DLGAP2: variants seen among roughly 807,000 people sequenced by gnomAD.
DLGAP2 encodes DLG associated protein 2, also known as disks large-associated protein 2.
In DLGAP2, 26 loss-of-function variants were observed where a neutral mutation model predicts 100.3. The ratio of observed to expected loss-of-function variants is 0.26; its 90% confidence interval spans 0.19 to 0.36. The LOEUF (loss-of-function observed/expected upper bound fraction) is 0.36, where lower values mean the gene tolerates loss of function less well. Among genes scored for constraint, DLGAP2 ranks in the 10% least tolerant of loss-of-function variants. DLGAP2 has a pLI of 1.00. For missense variants in DLGAP2, 1,858 were observed against 1,453.2 expected, an observed-to-expected ratio of 1.28 and a Z score of -4.53; for synonymous variants, 886 against 630.1, an observed-to-expected ratio of 1.41 and a Z score of -6.08.
intron 2 of DLGAP2, among the ~76,000 whole-genome samples, chr8:1,146,951 C>T (rs1184602081): frequency 6.6e-6 from 1 of 152,182 alleles, no homozygotes; most frequent in African/African-American, 2.4e-5. Flanking sequence ...AATTTCTCCT[C>T]TTCAGAATTG....
At chr8:1,233,608 G>A (rs1254088540) in intron 2 of DLGAP2, among the ~76,000 whole-genome samples, 1 of 151,854 alleles carries the variant, frequency 6.6e-6, no homozygotes, top group Non-Finnish European at 1.5e-5. Flanking sequence ...CAGTCTCGGA[G>A]CTGCCCAGCT....
chr8:996,434 C>T (rs57105578), intron 2 of DLGAP2, among the ~76,000 whole-genome samples: 1,593 of 152,178 alleles, frequency 0.01, 30 homozygotes, highest in African/African-American at 0.036. Flanking sequence ...AAGCAAAGGC[C>T]GTTCTGGAGG....
chr8:1,167,367 G>A (rs911715330), intron 2 of DLGAP2, among the ~76,000 whole-genome samples: 4 of 152,118 alleles, frequency 2.6e-5, no homozygotes, highest in Non-Finnish European at 5.9e-5. Context: ...ACCTCACAGG[G>A]AGTTGCTAAG....
At chr8:1,535,061 C>T (rs750507259) in intron 4 of DLGAP2, among the ~76,000 whole-genome samples, 1 of 152,146 alleles carries the variant, frequency 6.6e-6, no homozygotes, top group African/African-American at 2.4e-5. Context: ...GGCAGGCACC[C>T]GGAGCCACCT....
chr8:1,556,960 T>C (rs75095177), intron 5 of DLGAP2, among the ~76,000 whole-genome samples: 1,955 of 150,698 alleles, frequency 0.013, 40 homozygotes, highest in African/African-American at 0.044. Context: ...GGCTGGGAGA[T>C]GCTTGTGGGG....
At chr8:896,887 G>C (rs1280750094) in intron 1 of DLGAP2, among the ~76,000 whole-genome samples, 1 of 152,170 alleles carries the variant, frequency 6.6e-6, no homozygotes, top group Non-Finnish European at 1.5e-5. Context: ...TGAATTCTTT[G>C]TGTTTTGAAG....
intron 2 of DLGAP2, among the ~76,000 whole-genome samples, chr8:1,231,010 G>T (rs1209708699): frequency 1.3e-5 from 2 of 152,124 alleles, no homozygotes; most frequent in Non-Finnish European, 2.9e-5. Context: ...TGACAAGTGG[G>T]ACCTAATTAA....
intron 2 of DLGAP2, among the ~76,000 whole-genome samples, chr8:975,100 G>T (rs922737649): frequency 2.0e-5 from 3 of 152,060 alleles, no homozygotes; most frequent in Non-Finnish European, 2.9e-5. Context: ...GATAATAAAA[G>T]AATACTATGA....
intron 2 of DLGAP2, among the ~76,000 whole-genome samples, chr8:1,045,856 C>T (rs754658804): frequency 9.2e-5 from 14 of 152,146 alleles, no homozygotes; most frequent in East Asian, 1.9e-4. Context: ...CATAGGACGG[C>T]GCCCCCTGGT....
At chr8:1,648,107 A>G (rs978512872) in intron 8 of DLGAP2, among the ~76,000 whole-genome samples, 4 of 152,240 alleles carry the variant, frequency 2.6e-5, no homozygotes, top group African/African-American at 7.2e-5. Context: ...ACCAGGCTCA[A>G]TAAATATTGG....
intron 3 of DLGAP2, among the ~76,000 whole-genome samples, chr8:1,373,217 G>A (rs914850783): frequency 6.6e-6 from 1 of 151,902 alleles, no homozygotes; most frequent in Non-Finnish European, 1.5e-5. Flanking sequence ...TGCGCAGCAA[G>A]ACTCTGTGCT....
chr8:1,482,138 G>A (rs781200199), intron 3 of DLGAP2, among the ~76,000 whole-genome samples: 9 of 152,240 alleles, frequency 5.9e-5, no homozygotes, highest in African/African-American at 1.4e-4. Flanking sequence ...CTCACATGAC[G>A]GTCTGGGAGG....
intron 4 of DLGAP2, among the ~76,000 whole-genome samples, chr8:1,514,186 G>C (rs1422023622): frequency 2.0e-5 from 3 of 152,264 alleles, no homozygotes; most frequent in Admixed American, 2.0e-4. Context: ...ACGGGAAAGA[G>C]GAATTGTACA....
At chr8:1,410,098 C>T (rs1796685685) in intron 3 of DLGAP2, among the ~76,000 whole-genome samples, 2 of 152,174 alleles carry the variant, frequency 1.3e-5, no homozygotes, top group African/African-American at 4.8e-5. Context: ...GTGTCCTCCC[C>T]AGGAATGCCA....
intron 2 of DLGAP2, among the ~76,000 whole-genome samples, chr8:913,774 G>C (rs1446077805): frequency 1.3e-5 from 2 of 152,250 alleles, no homozygotes; most frequent in East Asian, 3.8e-4. Context: ...GTCAGTATGT[G>C]ATACTATATG....
chr8:1,042,125 C>T (rs926567652), intron 2 of DLGAP2, among the ~76,000 whole-genome samples: 3 of 152,166 alleles, frequency 2.0e-5, no homozygotes, highest in Admixed American at 6.5e-5. Context: ...CCCCCAGCCC[C>T]AGCACCTGCC....
chr8:740,025 C>G (rs1820443552), intron 1 of DLGAP2: 2 of 152,206 alleles, frequency 1.3e-5, no homozygotes, highest in Non-Finnish European at 2.9e-5. Context: ...GTGCGCCATT[C>G]CTGCCCCTTC....
At chr8:1,351,756 T>TGTGTGTGG (rs1491437420) in intron 3 of DLGAP2, among the ~76,000 whole-genome samples, 6 of 67,652 alleles carry the variant, frequency 8.9e-5, no homozygotes, top group Non-Finnish European at 1.2e-4. Flanking sequence ...GGGTCCTGAC[T>TGTGTGTGG]ATGTGTGGAA....
chr8:1,201,625 G>A (rs1206291546), intron 2 of DLGAP2, among the ~76,000 whole-genome samples: 1 of 152,218 alleles, frequency 6.6e-6, no homozygotes, highest in East Asian at 1.9e-4. Flanking sequence ...GCTCACACAG[G>A]GATTTACACA....
Sources: allele counts gnomAD v4.1 joint callset (sites outside exome capture counted in the v4.1 genomes callset), GRCh38; gene constraint gnomAD v4.1.1; transcripts MANE v1.5; gene names NCBI Gene and HGNC (gene_info 2026-07-23, HGNC 2026-07-21).